Variants in RIT2 observed in about 807,000 individuals in gnomAD.
RIT2 encodes GTP-binding protein Rit2.
Under a neutral mutation model 23.7 loss-of-function variants are expected in RIT2, and 24 were observed. The ratio of observed to expected loss-of-function variants is 1.01; its 90% CI spans 0.73 to 1.43. RIT2 has a LOEUF of 1.43. RIT2 is among the 40% of genes most tolerant of loss of function. RIT2 has a pLI of 0.00. For synonymous variants in RIT2, 107 were observed against 91.1 expected, an observed-to-expected ratio of 1.17 and a Z score of -0.99; for missense variants, 236 against 266.9, an observed-to-expected ratio of 0.88 and a Z score of 0.81.
chr18:42,856,986 G>C (rs906489865), intron 4 of RIT2, among the ~76,000 whole-genome samples: 1 of 151,626 alleles, frequency 6.6e-6, no homozygotes, highest in South Asian at 2.1e-4. Flanking sequence ...CCGCCACCAC[G>C]CCCGGCTAAT....
intron 4 of RIT2, among the ~76,000 whole-genome samples, chr18:42,816,585 A>C (rs1375226413): frequency 1.3e-5 from 2 of 152,264 alleles, no homozygotes; most frequent in East Asian, 3.9e-4. Flanking sequence ...TGTAAATGAA[A>C]GGCTTACATA....
intron 1 of RIT2, among the ~76,000 whole-genome samples, chr18:43,064,646 C>T (rs966006522): frequency 3.9e-5 from 6 of 152,084 alleles, no homozygotes; most frequent in Non-Finnish European, 8.8e-5. Context: ...ATACCCTTAA[C>T]AATGAAGTTC....
chr18:42,834,053 G>A (rs907202032), intron 4 of RIT2, among the ~76,000 whole-genome samples: 2 of 152,072 alleles, frequency 1.3e-5, no homozygotes, highest in Non-Finnish European at 2.9e-5. Flanking sequence ...ACAAAGAGAC[G>A]TAAAATAACT....
intron 3 of RIT2, among the ~76,000 whole-genome samples, chr18:42,940,930 T>C (rs1270021971): frequency 6.6e-6 from 1 of 152,294 alleles, no homozygotes; most frequent in South Asian, 2.1e-4. Context: ...TCTAGGAATT[T>C]AAATGCAACT....
At chr18:42,914,805 T>C (rs1908863004) in intron 4 of RIT2, among the ~76,000 whole-genome samples, 1 of 152,060 alleles carries the variant, frequency 6.6e-6, no homozygotes, top group Non-Finnish European at 1.5e-5. Context: ...GCTTTGTGGA[T>C]TGAATCAATG....
intron 2 of RIT2, 55 bp from the exon 3 acceptor site, chr18:42,974,202 AT>A: frequency 8.3e-7 from 1 of 1,201,682 alleles, no homozygotes; most frequent in Non-Finnish European, 1.2e-6. Context: ...GGCATTATTA[AT>A]TTTTAGATTT....
intron 3 of RIT2, among the ~76,000 whole-genome samples, chr18:42,960,506 G>T (rs1910071923): frequency 6.6e-6 from 1 of 151,964 alleles, no homozygotes; most frequent in South Asian, 2.1e-4. Context: ...GTAGAGACGG[G>T]GTTTCACCAT....
chr18:43,048,309 G>A (rs964855016), intron 1 of RIT2, among the ~76,000 whole-genome samples: 4 of 152,064 alleles, frequency 2.6e-5, no homozygotes, highest in African/African-American at 9.7e-5. Context: ...TTGGTGACTG[G>A]TTCTCTGCTG....
chr18:42,913,196 C>T (rs62089940), intron 4 of RIT2, among the ~76,000 whole-genome samples: 7 of 123,102 alleles, frequency 5.7e-5, no homozygotes, highest in African/African-American at 2.5e-4. Context: ...CATCCATCAG[C>T]CAAAAAAAAA....
At chr18:43,018,203 C>A (rs1468967866) in intron 2 of RIT2, among the ~76,000 whole-genome samples, 4 of 152,010 alleles carry the variant, frequency 2.6e-5, no homozygotes, top group South Asian at 2.1e-4. Context: ...ATCAGAGTAG[C>A]CACAGATGTT....
intron 2 of RIT2, among the ~76,000 whole-genome samples, chr18:43,001,168 C>A (rs140640324): frequency 7.9e-5 from 12 of 151,924 alleles, no homozygotes; most frequent in African/African-American, 2.9e-4. Context: ...CAGCGAGGGA[C>A]AAGAGTCATT....
At chr18:43,012,484 A>C (rs1355071600) in intron 2 of RIT2, among the ~76,000 whole-genome samples, 1 of 151,770 alleles carries the variant, frequency 6.6e-6, no homozygotes, top group Non-Finnish European at 1.5e-5. Flanking sequence ...AGGATCTAAG[A>C]GAAAATAACG....
At chr18:43,005,028 G>A (rs28623561) in intron 2 of RIT2, among the ~76,000 whole-genome samples, 12,627 of 151,650 alleles carry the variant, frequency 0.083, 758 homozygotes, top group East Asian at 0.25. Context: ...CTAGCTATGG[G>A]CCCTTTAAAC....
intron 4 of RIT2, among the ~76,000 whole-genome samples, chr18:42,762,752 C>T (rs1310156356): frequency 6.6e-6 from 1 of 152,188 alleles, no homozygotes; most frequent in African/African-American, 2.4e-5. Flanking sequence ...TGCATTTTCC[C>T]TAGCTTGCAG....
At chr18:43,088,002 C>A (rs1303534340) in intron 1 of RIT2, among the ~76,000 whole-genome samples, 2 of 152,138 alleles carry the variant, frequency 1.3e-5, no homozygotes, top group Non-Finnish European at 2.9e-5. Flanking sequence ...TGTATGGACA[C>A]AATTACAAAG....
rs994972122 is a variant in RIT2, at chr18:42,983,008, G to T, written c.161-8861C>A. 3.9e-5 allele frequency among the ~76,000 whole-genome samples: 6 copies of T among 152,018 alleles called. No individual in the cohort carries two copies. In the South Asian group the frequency reaches 1.0e-3, roughly 26 times the overall value. Reference sequence around the variant, plus strand: ...ATTTTGGGAAAAAGGAAAGGATTTGGAATAGAATTTTAATTCCACAATATA... The same window carrying T: ...ATTTTGGGAAAAAGGAAAGGATTTGTAATAGAATTTTAATTCCACAATATA... On this transcript the variant is annotated intron_variant, in intron 2 of 4. Transcript: ENST00000326695.
intron 4 of RIT2, among the ~76,000 whole-genome samples, chr18:42,868,393 G>A (rs1175938788): frequency 6.6e-6 from 1 of 152,112 alleles, no homozygotes; most frequent in Non-Finnish European, 1.5e-5. Context: ...AAATGGCTAG[G>A]TTCAGCTGTG....
rs543767109 is a variant in RIT2 at position 42,749,495 on chromosome 18, A to G, written c.427-5775T>C. ...AGATAAGTAAGTAAAATAGAAAACAATTATGCAATGGAGAAGACGAAATCA... is the reference window on the plus strand; with the variant it reads ...AGATAAGTAAGTAAAATAGAAAACAGTTATGCAATGGAGAAGACGAAATCA... On this transcript the variant is annotated intron_variant, in intron 4 of 4. Coordinates refer to ENST00000326695, the MANE Select transcript of RIT2 (RefSeq NM_002930.4). Among the ~76,000 whole-genome samples, 16 of 152,020 alleles carry G rather than the reference A, an allele frequency of 1.1e-4. No homozygotes were observed. The South Asian group carries it at 3.3e-3, about 31-fold the overall frequency.
chr18:43,028,973 T>C (rs190320271), intron 2 of RIT2, among the ~76,000 whole-genome samples: 1 of 152,152 alleles, frequency 6.6e-6, no homozygotes, highest in Admixed American at 6.6e-5. Context: ...GAGAAATGTA[T>C]ACTTAATGTA....
Sources: allele counts gnomAD v4.1 joint callset (sites outside exome capture counted in the v4.1 genomes callset), GRCh38; gene constraint gnomAD v4.1.1; transcripts MANE v1.5; gene names NCBI Gene and HGNC (gene_info 2026-07-23, HGNC 2026-07-21).